Variants in WIPF2 observed in about 807,000 individuals in gnomAD.
WIPF2 encodes the protein WAS/WASL interacting protein family member 2, also known as WAS/WASL-interacting protein family member 2.
WIPF2 carries 23 observed loss-of-function variants against 38.8 expected under a neutral mutation model. The observed-to-expected ratio is 0.59, with a 90% CI of 0.43 to 0.84. The LOEUF is 0.84. Ranked by LOEUF, WIPF2 falls within the 40% of genes least tolerant of loss-of-function variation. WIPF2 has a pLI of 0.00. For missense variants in WIPF2, 574 were observed against 580.5 expected (o/e 0.99, Z 0.11); for synonymous variants, 210 against 223.2 (o/e 0.94, Z 0.53).
chr17:40,219,988 G>A (rs1284628593), intron 1 of WIPF2: 1 of 152,322 alleles, frequency 6.6e-6, no homozygotes, highest in African/African-American at 2.4e-5. Context: ...AAGATGGCTC[G>A]GGAAACTGCT....
chr17:40,219,394 G>GCGA lies in WIPF2; in HGVS notation c.-166_-165insACG, dbSNP rs1555557766. The GCGA allele has an allele frequency of 6.5e-5, 27 of 416,572 alleles. No individual in the cohort carries two copies. The highest frequency in any genetic ancestry group is 9.6e-5 in the Non-Finnish European group (21 of 219,760). 25.8% of individuals were successfully genotyped at this position (416,572 alleles called of 1,614,324 possible). On this transcript the variant is annotated 5_prime_UTR_variant, in exon 1 of 8. Transcript: ENST00000323571. ...GGCGGCGGCGGCGGCGGCGGCGGCG[G>GCGA]CGGCGACGGCGAGAAAGAGCTTGCC...
At chr17:40,238,974 A>C (rs549609686) in intron 1 of WIPF2, among the ~76,000 whole-genome samples, 1 of 152,034 alleles carries the variant, frequency 6.6e-6, no homozygotes, top group South Asian at 2.1e-4. Flanking sequence ...TCCTGGGCTT[A>C]AGTTATCCTC....
chr17:40,245,187 T>G (rs900908745), intron 1 of WIPF2, among the ~76,000 whole-genome samples: 5 of 151,912 alleles, frequency 3.3e-5, no homozygotes, highest in Admixed American at 6.6e-5. Flanking sequence ...TGATTCTCTG[T>G]TTTTTTTACT....
At chr17:40,270,571 G>C (rs1330961290) in intron 5 of WIPF2, among the ~76,000 whole-genome samples, 1 of 152,042 alleles carries the variant, frequency 6.6e-6, no homozygotes, top group African/African-American at 2.4e-5. Flanking sequence ...TGTGAACCTG[G>C]CTAACCCTGT....
intron 1 of WIPF2, among the ~76,000 whole-genome samples, chr17:40,249,742 C>A (rs184017864): frequency 2.6e-5 from 4 of 151,700 alleles, no homozygotes; most frequent in African/African-American, 4.8e-5. Flanking sequence ...TGTGAGCCAC[C>A]GCACCCTGCC....
intron 5 of WIPF2, among the ~76,000 whole-genome samples, chr17:40,271,638 G>A (rs933590336): frequency 2.0e-5 from 3 of 152,216 alleles, no homozygotes; most frequent in Non-Finnish European, 4.4e-5. Context: ...AGAGTAGAAA[G>A]AGCAGACATG....
intron 1 of WIPF2, among the ~76,000 whole-genome samples, chr17:40,234,612 G>A (rs1008146375): frequency 2.0e-5 from 3 of 151,996 alleles, no homozygotes; most frequent in African/African-American, 4.8e-5. Context: ...GTGAAAGAGC[G>A]AGACCCTTTC....
At chr17:40,224,254 C>G (rs1388816926) in intron 1 of WIPF2, among the ~76,000 whole-genome samples, 5 of 111,224 alleles carry the variant, frequency 4.5e-5, no homozygotes, top group Admixed American at 2.3e-4. Context: ...TTTTTTGAGA[C>G]GGAGTCTCAC....
chr17:40,260,822 A>G (rs747959328), intron 3 of WIPF2, 155 bp downstream of exon 3: 6 of 1,047,948 alleles, frequency 5.7e-6, no homozygotes, highest in Non-Finnish European at 8.5e-6. Context: ...GAACCTTAGA[A>G]GTTTCTTCTT....
At chr17:40,254,229 C>T (rs1432386480) in intron 1 of WIPF2, among the ~76,000 whole-genome samples, 1 of 152,088 alleles carries the variant, frequency 6.6e-6, no homozygotes, top group Non-Finnish European at 1.5e-5. Context: ...GTTGTCCAGA[C>T]TGGTCTTGAA....
intron 1 of WIPF2, among the ~76,000 whole-genome samples, chr17:40,242,949 T>G (rs2031242118): frequency 6.6e-6 from 1 of 152,228 alleles, no homozygotes; most frequent in South Asian, 2.1e-4. Flanking sequence ...ACTTCTGTTT[T>G]GGATGATTTT....
rs994370948 is a variant in WIPF2, at chr17:40,240,842, G to A, written c.-69-15549G>A. 5.3e-5 allele frequency among the ~76,000 whole-genome samples: 8 copies of A among 151,746 alleles called. No individual in the cohort carries two copies. In the East Asian group the frequency reaches 1.6e-3, roughly 30 times the overall value. On this transcript the variant is annotated intron_variant, in intron 1 of 7. Transcript: ENST00000323571. ...CGCCTGTAGTACCAGCTACTCGGGA[G>A]GCTGAGGCAGGAGAATGACATGAAC...
chr17:40,248,163 CTTTTTTTTTTTTTT>C (rs60359132), intron 1 of WIPF2, among the ~76,000 whole-genome samples: 20 of 47,620 alleles, frequency 4.2e-4, no homozygotes, highest in Non-Finnish European at 5.5e-4. Flanking sequence ...AAAGTTATTT[CTTTTTTTTTTTTTT>C]TTTTTTTTTT....
chr17:40,257,805 T>G (rs78275004), intron 2 of WIPF2, among the ~76,000 whole-genome samples: 6,694 of 151,970 alleles, frequency 0.044, 243 homozygotes, highest in Non-Finnish European at 0.068. Flanking sequence ...TTTGTAAAAT[T>G]TGGAAGTAAA....
chr17:40,233,584 G>C (rs1268482975), intron 1 of WIPF2, among the ~76,000 whole-genome samples: 1 of 151,902 alleles, frequency 6.6e-6, no homozygotes, highest in African/African-American at 2.4e-5. Flanking sequence ...TTAGTGGGGA[G>C]TACAGGTGTG....
At chr17:40,224,111 C>T (rs904294316) in intron 1 of WIPF2, among the ~76,000 whole-genome samples, 32 of 151,676 alleles carry the variant, frequency 2.1e-4, no homozygotes, top group African/African-American at 7.8e-4. Flanking sequence ...TATGCTATTG[C>T]AACCTACAGT....
chr17:40,264,353 A>AG, intron 4 of WIPF2, 137 bp from the exon 5 acceptor site: 1 of 588,384 alleles, frequency 1.7e-6, no homozygotes, highest in Non-Finnish European at 2.8e-6. Flanking sequence ...AAAAAAAAAA[A>AG]GAAAAACAAA....
At chr17:40,245,118 T>TA (rs2031319246) in intron 1 of WIPF2, among the ~76,000 whole-genome samples, 2 of 152,130 alleles carry the variant, frequency 1.3e-5, no homozygotes, top group Non-Finnish European at 2.9e-5. Context: ...AATCTATCTC[T>TA]AAAAAATAAA....
chr17:40,276,741 C>T (rs2032413851), intron 6 of WIPF2, among the ~76,000 whole-genome samples: 1 of 151,760 alleles, frequency 6.6e-6, no homozygotes, highest in African/African-American at 2.4e-5. Flanking sequence ...GGTGAAACCC[C>T]GTCTCTACTA....
Sources: gnomAD v4.1 joint callset for allele counts (sites outside exome capture counted in the v4.1 genomes callset) on GRCh38, gnomAD v4.1.1 for gene constraint, MANE v1.5 for transcripts, NCBI Gene and HGNC (gene_info 2026-07-23, HGNC 2026-07-21) for gene names.